Variants in CASKIN2 observed in about 807,000 individuals in gnomAD.
The protein encoded by CASKIN2 is caskin-2.
CASKIN2 carries 41 observed loss-of-function variants against 107.1 expected under a neutral mutation model. That is an observed-to-expected ratio of 0.38 (90% confidence interval 0.30 to 0.50). CASKIN2 has a LOEUF of 0.50. Ranked by LOEUF, CASKIN2 falls within the 20% of genes least tolerant of loss-of-function variation. The pLI is 0.92. For synonymous variants in CASKIN2, 724 were observed against 705.6 expected, an observed-to-expected ratio of 1.03 and a Z score of -0.41; for missense variants, 1,546 against 1,657.4, an observed-to-expected ratio of 0.93 and a Z score of 1.17.
rs1281097535 is a variant in CASKIN2 at position 75,505,531 on chromosome 17, AGGAATGCCTGCTTG to A, written c.930+12_930+25del. 11 of 1,608,538 alleles carry A rather than the reference AGGAATGCCTGCTTG, an allele frequency of 6.8e-6. No individual in the cohort carries two copies. In the Admixed American group the frequency reaches 1.7e-4, roughly 24 times the overall value. ...TAACAGCAATCATTTGTATTTGCAA[AGGAATGCCTGCTTG>A]GGGTCCCTCACCGTGATGACATCCC... is the stretch of plus-strand genomic sequence containing the variant. On this transcript the variant is annotated intron_variant, in intron 10 of 19. Coordinates refer to ENST00000321617, the MANE Select transcript of CASKIN2 (RefSeq NM_020753.5). The surrounding 1 kb of genome is among the most constrained non-coding windows in gnomAD (Gnocchi z 5.1).
Position 75,501,645 on chromosome 17 carries a change from A to G in CASKIN2, c.3341T>C (p.Phe1114Ser). ...CCGGGGCGCTAGCTTAGGGCCAGAA[A>G]ATGCCAGCTGGGTGCAGGCCACCGA... ...PVSVACTQLA[F>S]SGPKLAPRLG... Residue 1114 changes from phenylalanine (F) to serine (S), a missense_variant, in exon 19 of 20, where the codon TTT becomes TCT. Phe to Ser is a radical substitution (Grantham distance 155, BLOSUM62 -2). This residue lies in a region of CASKIN2 where 1,311 missense variants were observed against 1,311.0 expected (regional missense o/e 1.00). Coordinates refer to ENST00000321617, the MANE Select transcript of CASKIN2 (RefSeq NM_020753.5). The G allele has an allele frequency of 2.5e-6, 4 of 1,590,266 alleles. No individual in the cohort carries two copies. The highest frequency in any genetic ancestry group is 1.7e-4 in the Middle Eastern group (1 of 6,010).
rs770836374 is a variant in CASKIN2, at chr17:75,502,119, C to T, written c.2955G>A (p.Thr985=). The T allele has an allele frequency of 3.4e-5, 54 of 1,605,758 alleles. No individual in the cohort carries two copies. Among genetic ancestry groups the T allele is most frequent in the Middle Eastern group, 1.6e-4 (1 of 6,072 alleles). The part of the protein sequence containing the change: ...PVPPGLDFNL[T]ESDTVKRRPK... Reference sequence around the variant, plus strand: ...GCCTCCGCTTAACAGTGTCTGATTCCGTGAGGTTGAAATCGAGGCCGGGGG... The same window carrying T: ...GCCTCCGCTTAACAGTGTCTGATTCTGTGAGGTTGAAATCGAGGCCGGGGG... The change falls in exon 18 of 20, where the codon ACG becomes ACA. Residue 985 remains threonine (T), a synonymous_variant. Transcript: ENST00000321617. The surrounding 1 kb of genome is among the most constrained non-coding windows in gnomAD (Gnocchi z 4.3).
chr17:75,510,766 T>A (rs570775516), intron 2 of CASKIN2, among the ~76,000 whole-genome samples: 1 of 125,274 alleles, frequency 8.0e-6, no homozygotes, highest in African/African-American at 2.5e-5. Context: ...CATTTCTTAA[T>A]TTTTTTGTAG....
intron 2 of CASKIN2, among the ~76,000 whole-genome samples, chr17:75,511,702 G>T (rs2053317193): frequency 6.6e-6 from 1 of 152,194 alleles, no homozygotes; most frequent in Admixed American, 6.5e-5. Context: ...TGAGCCTACA[G>T]CCTGCGCAGG....
chr17:75,508,388 A>G, intron 2 of CASKIN2, 103 bp from the exon 3 acceptor site: 1 of 1,283,632 alleles, frequency 7.8e-7, no homozygotes, highest in Non-Finnish European at 1.1e-6. Context: ...GGCGTGCAGG[A>G]AAGCACCTGC....
chr17:75,505,550 C>T lies in CASKIN2; in HGVS notation c.930+7G>A. The T allele has an allele frequency of 6.2e-7, 1 of 1,613,068 alleles. No individual in the cohort carries two copies. Among genetic ancestry groups the T allele is most frequent in the Non-Finnish European group, 8.5e-7 (1 of 1,179,632 alleles). On this transcript the variant is annotated splice_region_variant and intron_variant, in intron 10 of 19. Coordinates refer to ENST00000321617, the MANE Select transcript of CASKIN2 (RefSeq NM_020753.5). This position sits in a 1 kb window ranked among gnomAD's most constrained non-coding sequence, Gnocchi z 5.1. ...TTGCAAAGGAATGCCTGCTTGGGGT[C>T]CCTCACCGTGATGACATCCCCTGCC...
intron 2 of CASKIN2, 96 bp from the exon 3 acceptor site, chr17:75,508,381 G>T: frequency 1.5e-6 from 2 of 1,364,360 alleles, no homozygotes. Flanking sequence ...ACCTCTTGGC[G>T]TGCAGGAAAG....
Position 75,501,190 on chromosome 17 carries a change from G to A in CASKIN2, c.3519-20C>T, listed in dbSNP as rs2053176240. Reference sequence around the variant, plus strand: ...GGGGTGCTGCAGCAAGGGGAAGGATGCGGTCAGATCAGCCAGTGGCCTGCA... The same window carrying A: ...GGGGTGCTGCAGCAAGGGGAAGGATACGGTCAGATCAGCCAGTGGCCTGCA... On this transcript the variant is annotated intron_variant, in intron 19 of 19. Transcript: ENST00000321617. 4.5e-6 allele frequency: 7 copies of A among 1,564,936 alleles called. No homozygotes were observed. The highest frequency in any genetic ancestry group is 6.1e-6 in the Non-Finnish European group (7 of 1,154,288).
intron 3 of CASKIN2, 59 bp downstream of exon 3, chr17:75,508,175 C>T (rs2053285283): frequency 6.4e-7 from 1 of 1,556,924 alleles, no homozygotes; most frequent in Non-Finnish European, 8.9e-7. Context: ...CAGCCCCACC[C>T]CTGGGGCTCT....
intron 2 of CASKIN2, among the ~76,000 whole-genome samples, chr17:75,511,102 C>T (rs1183673296): frequency 2.7e-5 from 4 of 149,258 alleles, no homozygotes; most frequent in African/African-American, 7.4e-5. Context: ...GCTCTGTTGC[C>T]CAGGCTGGAG....
chr17:75,513,922 G>C lies in CASKIN2; in HGVS notation c.-118C>G. The C allele has an allele frequency of 2.3e-6, 2 of 851,082 alleles. No homozygotes were observed. The highest frequency in any genetic ancestry group is 4.3e-5 in the Admixed American group (2 of 46,956). The allele number at this position is 851,082 out of a possible 1,614,324, so 52.7% of individuals were successfully genotyped here. ...CCTTGGAGGGCTCCCGGTTCCGGGGGAGCAAGTCAGGTGTCCCAGGCAGTG... is the reference window on the plus strand; with the variant it reads ...CCTTGGAGGGCTCCCGGTTCCGGGGCAGCAAGTCAGGTGTCCCAGGCAGTG... On this transcript the variant is annotated 5_prime_UTR_variant, in exon 2 of 20. Transcript: ENST00000321617.
chr17:75,501,562 C>G lies in CASKIN2; in HGVS notation c.3424G>C (p.Gly1142Arg), dbSNP rs759583996. Reference protein sequence around the residue: ...RPESTGTVGPGQAQQRLEQTS... With the variant: ...RPESTGTVGPRQAQQRLEQTS... ...TGCTCCAGTCTCTGCTGGGCCTGGC[C>G]TGGGCCCACAGTCCCAGTGCTCTCA... The change falls in exon 19 of 20, where the codon GGC becomes CGC. Residue 1142 changes from glycine (G) to arginine (R), a missense_variant. Transcript: ENST00000321617. 6.2e-7 allele frequency: 1 copy of G among 1,611,752 alleles called. No individual in the cohort carries two copies. The highest frequency in any genetic ancestry group is 1.1e-5 in the South Asian group (1 of 91,050).
Position 75,506,655 on chromosome 17 carries a change from T to C in CASKIN2, c.545A>G (p.Lys182Arg). ...GGTGTAGTTGGGGTCACACGGGTCT[T>C]TGGCCTCACCCTCCAGCAGTGCCAC... ...LCVALLEGEAKDPCDPNYTTP... is the reference protein window; with the variant it reads ...LCVALLEGEARDPCDPNYTTP... The change falls in exon 7 of 20, where the codon AAA becomes AGA. Residue 182 changes from lysine (K) to arginine (R), a missense_variant. Coordinates refer to ENST00000321617, the MANE Select transcript of CASKIN2 (RefSeq NM_020753.5). This position sits in a 1 kb window ranked among gnomAD's most constrained non-coding sequence, Gnocchi z 4.8. The C allele has an allele frequency of 1.2e-6, 2 of 1,613,162 alleles. No homozygotes were observed. The highest frequency in any genetic ancestry group is 1.7e-6 in the Non-Finnish European group (2 of 1,179,916).
chr17:75,505,550 C>G lies in CASKIN2; in HGVS notation c.930+7G>C. ...TTGCAAAGGAATGCCTGCTTGGGGTCCCTCACCGTGATGACATCCCCTGCC... is the reference window on the plus strand; with the variant it reads ...TTGCAAAGGAATGCCTGCTTGGGGTGCCTCACCGTGATGACATCCCCTGCC... On this transcript the variant is annotated splice_region_variant and intron_variant, in intron 10 of 19. Transcript: ENST00000321617. This position sits in a 1 kb window ranked among gnomAD's most constrained non-coding sequence, Gnocchi z 5.1. 1 of 1,613,068 alleles carries G rather than the reference C, an allele frequency of 6.2e-7. No homozygotes were observed. The highest frequency in any genetic ancestry group is 8.5e-7 in the Non-Finnish European group (1 of 1,179,632).
chr17:75,507,715 G>T, intron 3 of CASKIN2, 34 bp from the exon 4 acceptor site: 1 of 1,526,700 alleles, frequency 6.6e-7, no homozygotes, highest in South Asian at 1.1e-5. Context: ...AGGGGTGTTG[G>T]TGGGCAGCCC....
In CASKIN2 at chr17:75,503,933, G is replaced by A. The variant is rs148629885; in HGVS notation, c.1497C>T (p.Ser499=). Residue 499 remains serine, a synonymous_variant, in exon 15 of 20, where the codon AGC becomes AGT. Coordinates refer to ENST00000321617, the MANE Select transcript of CASKIN2 (RefSeq NM_020753.5). The part of the protein sequence containing the change: ...KDAQAIHNWL[S]EFQLEGYTAH... ...CAGTGTAGCCCTCCAGCTGGAACTC[G>A]CTTAGCCAGTTATGAATGGCCTGCG... 2.9e-4 allele frequency: 464 copies of A among 1,612,634 alleles called. 2 individuals are homozygous for A. Among genetic ancestry groups the A allele is most frequent in the African/African-American group, 5.3e-4 (40 of 75,024 alleles).
rs753053966 is a variant in CASKIN2, at chr17:75,504,492, A to G, written c.1315-12T>C. ...GCAGAGGGCAGTGGCTGGAGGAGACAGGGCAGGAGCCAACTCAGCATTTGG... is the reference window on the plus strand; with the variant it reads ...GCAGAGGGCAGTGGCTGGAGGAGACGGGGCAGGAGCCAACTCAGCATTTGG... On this transcript the variant is annotated splice_polypyrimidine_tract_variant and intron_variant, in intron 12 of 19. Coordinates refer to ENST00000321617, the MANE Select transcript of CASKIN2 (RefSeq NM_020753.5). 1.2e-6 allele frequency: 2 copies of G among 1,602,104 alleles called. No individual in the cohort carries two copies. The highest frequency in any genetic ancestry group is 1.1e-5 in the South Asian group (1 of 90,744).
chr17:75,513,635 A>AC, intron 2 of CASKIN2, 76 bp downstream of exon 2: 1 of 1,042,248 alleles, frequency 9.6e-7, no homozygotes, highest in Non-Finnish European at 1.5e-6. Context: ...GATCACAGTG[A>AC]CCCACCCCCA....
intron 2 of CASKIN2, among the ~76,000 whole-genome samples, chr17:75,509,287 C>T (rs2053297144): frequency 6.6e-6 from 1 of 152,216 alleles, no homozygotes. Context: ...AGAACCCACC[C>T]TGCAGGGAAG....
Sources: allele counts gnomAD v4.1 joint callset (sites outside exome capture counted in the v4.1 genomes callset), GRCh38; gene constraint gnomAD v4.1.1; regional missense constraint gnomAD v4.1.1; non-coding constraint Gnocchi (gnomAD v3.1); transcripts MANE v1.5; gene names NCBI Gene and HGNC (gene_info 2026-07-23, HGNC 2026-07-21).